Variants in WNK2 observed in about 807,000 individuals in gnomAD.
The protein encoded by WNK2 is WNK lysine deficient protein kinase 2.
A neutral mutation model predicts 192.1 loss-of-function variants in WNK2; 67 were observed. That is an observed-to-expected ratio of 0.35 (90% confidence interval 0.29 to 0.43). The LOEUF is 0.43. Ranked by LOEUF, WNK2 falls within the 20% of genes least tolerant of loss-of-function variation. The pLI, the probability that WNK2 is intolerant of heterozygous loss-of-function variation, is 1.00. For synonymous variants in WNK2, 1,439 were observed against 1,393.9 expected, an observed-to-expected ratio of 1.03 and a Z score of -0.72; for missense variants, 2,698 against 3,089.7, an observed-to-expected ratio of 0.87 and a Z score of 3.01.
intron 27 of WNK2, chr9:93,307,942 T>C: frequency 4.3e-6 from 1 of 234,082 alleles, no homozygotes; most frequent in East Asian, 1.0e-4. Context: ...CCGAGGAACC[T>C]GACTCTAGGC....
intron 9 of WNK2, among the ~76,000 whole-genome samples, chr9:93,255,685 A>G (rs1843177306): frequency 6.6e-6 from 1 of 152,214 alleles, no homozygotes; most frequent in Admixed American, 6.5e-5. Flanking sequence ...AATAAATCCT[A>G]GACAGCAAGA....
At chr9:93,318,043 G>C in intron 29 of WNK2, 1 of 1,612,300 alleles carries the variant, frequency 6.2e-7, no homozygotes, top group Non-Finnish European at 8.5e-7. Flanking sequence ...TGTGGTCCAC[G>C]CGCCGTCTCC....
At chr9:93,191,412 A>G (rs1427253184) in intron 2 of WNK2, among the ~76,000 whole-genome samples, 1 of 152,134 alleles carries the variant, frequency 6.6e-6, no homozygotes, top group Non-Finnish European at 1.5e-5. Flanking sequence ...CTGGGGTACC[A>G]TAGTGAGCAG....
intron 19 of WNK2, among the ~76,000 whole-genome samples, chr9:93,285,967 A>G (rs1471160375): frequency 5.9e-5 from 9 of 152,210 alleles, no homozygotes; most frequent in Non-Finnish European, 1.3e-4. Context: ...TTGGGATAGT[A>G]GGCTGTCCAC....
chr9:93,288,431 C>T (rs1041381006), intron 19 of WNK2, among the ~76,000 whole-genome samples: 20 of 152,320 alleles, frequency 1.3e-4, no homozygotes, highest in African/African-American at 4.1e-4. Flanking sequence ...GCTGTCTGTG[C>T]GGGTGAGGGT....
intron 19 of WNK2, among the ~76,000 whole-genome samples, chr9:93,277,759 T>TA (rs1409513176): frequency 6.6e-6 from 1 of 152,138 alleles, no homozygotes; most frequent in East Asian, 1.9e-4. Flanking sequence ...ATTGTGGTGG[T>TA]AACTAAATGG....
chr9:93,199,204 T>C (rs1831880846), intron 2 of WNK2, among the ~76,000 whole-genome samples: 1 of 152,202 alleles, frequency 6.6e-6, no homozygotes, highest in Non-Finnish European at 1.5e-5. Context: ...AGATGACCGA[T>C]GCCTGGGGTC....
At chr9:93,199,955 G>T (rs1275153729) in intron 2 of WNK2, among the ~76,000 whole-genome samples, 1 of 151,002 alleles carries the variant, frequency 6.6e-6, no homozygotes, top group South Asian at 2.1e-4. Context: ...GGGGGGCAGC[G>T]GTTGGGCAGG....
chr9:93,278,923 C>T (rs1847329814), intron 19 of WNK2, among the ~76,000 whole-genome samples: 1 of 152,172 alleles, frequency 6.6e-6, no homozygotes, highest in Admixed American at 6.5e-5. Flanking sequence ...AAGCGGTTGA[C>T]AAAACCCAAC....
intron 12 of WNK2, among the ~76,000 whole-genome samples, chr9:93,261,335 A>G (rs1452385302): frequency 6.6e-6 from 1 of 152,210 alleles, no homozygotes; most frequent in Non-Finnish European, 1.5e-5. Context: ...TTTACTGCCA[A>G]GGAGCTTTTA....
At chr9:93,243,229 G>A (rs1292690941) in intron 7 of WNK2, among the ~76,000 whole-genome samples, 1 of 152,150 alleles carries the variant, frequency 6.6e-6, no homozygotes, top group African/African-American at 2.4e-5. Flanking sequence ...CCGAAGACAG[G>A]CAAGTTGGAG....
chr9:93,208,871 CTGTGAGTATGCATGTTCTACAAGT>C (rs890976337), intron 2 of WNK2, among the ~76,000 whole-genome samples: 1 of 128,104 alleles, frequency 7.8e-6, no homozygotes, highest in African/African-American at 2.9e-5. Context: ...TGTACAGGTT[CTGTGAGTATGCATGTTCTACAAGT>C]TGTGTGTGTT....
intron 28 of WNK2, among the ~76,000 whole-genome samples, chr9:93,310,700 T>C (rs1162938360): frequency 1.3e-5 from 2 of 152,234 alleles, no homozygotes; most frequent in Non-Finnish European, 2.9e-5. Flanking sequence ...CTACTCTAAG[T>C]ACCTCATAGA....
At chr9:93,232,885 A>G (rs545080625) in intron 4 of WNK2, among the ~76,000 whole-genome samples, 15 of 138,014 alleles carry the variant, frequency 1.1e-4, no homozygotes, top group African/African-American at 3.4e-4. Context: ...CTCCTAGAGA[A>G]TGAGGCTGAA....
chr9:93,289,352 C>T lies in WNK2; in HGVS notation c.4598C>T (p.Ser1533Leu), dbSNP rs775981850. 8.1e-6 allele frequency: 13 copies of T among 1,609,980 alleles called. No homozygotes were observed. The highest frequency in any genetic ancestry group is 4.5e-5 in the East Asian group (2 of 44,748). ...CCACAGCCACCCTCGGCCCTGGAGT[C>T]GGATGGGGAAGGGCCGCCCCCCAGG... The part of the protein sequence containing the change: ...VPPQPPSALE[S>L]DGEGPPPRVG... The change falls in exon 20 of 30, where the codon TCG becomes TTG. Residue 1533 changes from serine to leucine, a missense_variant. Transcript: ENST00000427277.
rs369083880 is a variant in WNK2 at position 93,185,421 on chromosome 9, G to A, written c.492G>A (p.Glu164=). ...EDEGAAEAKP[E]PGRTRRDEPE... ...AGGGGGCGGCCGAGGCGAAGCCTGA[G>A]CCCGGGCGCACTCGCCGGGACGAGC... The change falls in exon 2 of 30, where the codon GAG becomes GAA. Residue 164 remains glutamate (E), a synonymous_variant. Transcript: ENST00000427277. 1.6e-5 allele frequency: 25 copies of A among 1,610,586 alleles called. No homozygotes were observed. The African/African-American group carries it at 3.2e-4, about 21-fold the overall frequency.
At chr9:93,201,568 A>G (rs1277587309) in intron 2 of WNK2, among the ~76,000 whole-genome samples, 1 of 152,202 alleles carries the variant, frequency 6.6e-6, no homozygotes, top group Non-Finnish European at 1.5e-5. Context: ...GCAGAAAACT[A>G]GTACCTAAGC....
intron 7 of WNK2, among the ~76,000 whole-genome samples, chr9:93,241,227 C>T (rs35526957): frequency 6.6e-4 from 100 of 152,316 alleles, no homozygotes; most frequent in African/African-American, 2.1e-3. Flanking sequence ...CAACTTGATA[C>T]GAAGGACAGG....
At position 93,259,223 on chromosome 9, in the gene WNK2, C is replaced by G; in HGVS notation, c.2675C>G (p.Pro892Arg). 1 of 1,613,284 alleles carries G rather than the reference C, an allele frequency of 6.2e-7. No individual in the cohort carries two copies. The highest frequency in any genetic ancestry group is 8.5e-7 in the Non-Finnish European group (1 of 1,179,780). Residue 892 changes from proline (P) to arginine (R), a missense_variant, in exon 12 of 30, where the codon CCG becomes CGG. By Grantham distance (103) the Pro-to-Arg change is moderately radical (BLOSUM62 -2). Transcript: ENST00000427277. The surrounding 1 kb of genome is among the most constrained non-coding windows in gnomAD (Gnocchi z 4.8). ...ATIPLLAVAPPGVAALSIHSA... is the reference protein window; with the variant it reads ...ATIPLLAVAPRGVAALSIHSA... ...ATCCCCCTGCTGGCCGTAGCCCCAC[C>G]GGGCGTGGCTGCCCTGTCCATTCAT...
Sources: allele counts gnomAD v4.1 joint callset (sites outside exome capture counted in the v4.1 genomes callset), GRCh38; gene constraint gnomAD v4.1.1; non-coding constraint Gnocchi (gnomAD v3.1); transcripts MANE v1.5; gene names NCBI Gene and HGNC (gene_info 2026-07-23, HGNC 2026-07-21).